The following TCP11L2 variants were observed in gnomAD, a reference collection of about 807,000 sequenced individuals.
TCP11L2 encodes the protein t-complex 11 like 2, also known as T-complex protein 11-like protein 2.
TCP11L2 carries 39 observed loss-of-function variants against 50.7 expected under a neutral mutation model. The ratio of observed to expected loss-of-function variants is 0.77; its 90% confidence interval spans 0.60 to 1.01. TCP11L2 has a LOEUF of 1.01. TCP11L2 is among the 50% of genes least tolerant of loss of function. The probability of loss-of-function intolerance (pLI) is 0.00; values close to 1 mark genes in which losing one functional copy is unlikely to be tolerated. For missense variants in TCP11L2, 612 were observed against 614.7 expected (o/e 1.00, Z 0.05); for synonymous variants, 192 against 219.3 (o/e 0.88, Z 1.10).
At position 106,321,705 on chromosome 12, in the gene TCP11L2, A is replaced by G; in HGVS notation, c.634A>G (p.Arg212Gly). The change falls in exon 5 of 10, where the codon AGA becomes GGA. Residue 212 changes from arginine to glycine, a missense_variant and splice_region_variant. Coordinates refer to ENST00000299045, the MANE Select transcript of TCP11L2 (RefSeq NM_152772.3). ...KATGNIVEVL[R>G]QIFHVLDLMQ... Reference sequence around the variant, plus strand: ...TACTGGCAACATCGTGGAGGTGCTGAGGTTAGCACTTTTGCTGTTTGCATT... The same window carrying G: ...TACTGGCAACATCGTGGAGGTGCTGGGGTTAGCACTTTTGCTGTTTGCATT... 1 of 1,613,794 alleles carries G rather than the reference A, an allele frequency of 6.2e-7. No homozygotes were observed. Among genetic ancestry groups the G allele is most frequent in the East Asian group, 2.2e-5 (1 of 44,888 alleles).
intron 8 of TCP11L2, among the ~76,000 whole-genome samples, chr12:106,336,909 C>T (rs562556064): frequency 2.0e-5 from 3 of 152,308 alleles, no homozygotes; most frequent in South Asian, 2.1e-4. Flanking sequence ...CACCTTGCTA[C>T]GAAGTCTTCA....
chr12:106,338,858 A>G (rs2036003145), intron 8 of TCP11L2, among the ~76,000 whole-genome samples: 1 of 152,206 alleles, frequency 6.6e-6, no homozygotes, highest in Non-Finnish European at 1.5e-5. Flanking sequence ...ATAGCCATTC[A>G]GGCTGGGCAC....
Position 106,346,336 on chromosome 12 carries a change from CA to C in TCP11L2, c.1371del (p.Lys457AsnfsTer10). On this transcript the variant is annotated frameshift_variant, in exon 10 of 10. Transcript: ENST00000299045. LOFTEE classifies it high-confidence loss of function. The stretch of plus-strand genomic sequence containing the variant: ...AAGGCTACTTTGTCTTCCAAGCCCT[CA>C]AAAATGCATGCCTCCTATGCCAGGA... ...MRRLLCLPSP[Q>X]KCMPPMPGGL... is the part of the protein sequence containing the mutation. The C allele has an allele frequency of 6.2e-7, 1 of 1,614,014 alleles. No homozygotes were observed.
At chr12:106,343,927 G>A (rs1565863730) in intron 9 of TCP11L2, among the ~76,000 whole-genome samples, 1 of 151,662 alleles carries the variant, frequency 6.6e-6, no homozygotes, top group Non-Finnish European at 1.5e-5. Context: ...AAAGTGCTGG[G>A]ATTACAGGCC....
chr12:106,342,144 G>A (rs1194846874), intron 9 of TCP11L2, among the ~76,000 whole-genome samples: 3 of 152,268 alleles, frequency 2.0e-5, no homozygotes, highest in African/African-American at 7.2e-5. Context: ...TAACCTGCTA[G>A]GACTAATCTG....
At chr12:106,330,843 GTTGT>G (rs1221082927) in intron 6 of TCP11L2, among the ~76,000 whole-genome samples, 20 of 152,160 alleles carry the variant, frequency 1.3e-4, no homozygotes, top group African/African-American at 4.6e-4. Context: ...CTCTGTGTGA[GTTGT>G]TTGTCATAGA....
At position 106,335,642 on chromosome 12, in the gene TCP11L2, C is replaced by T. The variant is rs751408591; in HGVS notation, c.776C>T (p.Ala259Val). ...FQEILEETPS[A>V]LDQTTEWIKE... is the part of the protein sequence containing the mutation. The stretch of plus-strand genomic sequence containing the variant: ...TATGTGGCCTTTTCACTCTTAGGTG[C>T]TCTTGATCAGACTACAGAATGGATA... The change falls in exon 7 of 10, where the codon GCT becomes GTT. Residue 259 changes from alanine (A) to valine (V), a missense_variant. Coordinates refer to ENST00000299045, the MANE Select transcript of TCP11L2 (RefSeq NM_152772.3). 6 of 1,613,812 alleles carry T rather than the reference C, an allele frequency of 3.7e-6. No homozygotes were observed. Among genetic ancestry groups the T allele is most frequent in the Non-Finnish European group, 5.1e-6 (6 of 1,179,920 alleles).
chr12:106,344,363 C>A (rs182268221), intron 9 of TCP11L2, among the ~76,000 whole-genome samples: 1 of 152,190 alleles, frequency 6.6e-6, no homozygotes, highest in East Asian at 1.9e-4. Flanking sequence ...AGATATAAAC[C>A]TCACGCTCAG....
chr12:106,319,193 G>A (rs1422588973), intron 4 of TCP11L2, among the ~76,000 whole-genome samples: 3 of 151,976 alleles, frequency 2.0e-5, no homozygotes, highest in African/African-American at 7.3e-5. Context: ...TTACAGGCGT[G>A]AGCCACCGCG....
intron 1 of TCP11L2, among the ~76,000 whole-genome samples, chr12:106,305,743 T>A (rs1358401843): frequency 1.3e-5 from 2 of 152,136 alleles, no homozygotes; most frequent in African/African-American, 4.8e-5. Flanking sequence ...TGACATTAAA[T>A]TTCAAATCTG....
chr12:106,311,440 C>T (rs2034851134), intron 2 of TCP11L2, among the ~76,000 whole-genome samples: 1 of 152,148 alleles, frequency 6.6e-6, no homozygotes, highest in African/African-American at 2.4e-5. Flanking sequence ...TTATTTTGAT[C>T]ACTGCTTCCG....
intron 4 of TCP11L2, among the ~76,000 whole-genome samples, chr12:106,319,190 C>T (rs915475872): frequency 3.9e-5 from 6 of 152,290 alleles, no homozygotes; most frequent in South Asian, 2.1e-4. Context: ...GGATTACAGG[C>T]GTGAGCCACC....
chr12:106,341,886 T>C (rs981352228), intron 9 of TCP11L2, among the ~76,000 whole-genome samples: 36 of 152,194 alleles, frequency 2.4e-4, no homozygotes, highest in African/African-American at 8.7e-4. Context: ...CATTCTTGAA[T>C]TGGTCATGGT....
At chr12:106,312,979 T>C (rs1481736173) in intron 2 of TCP11L2, among the ~76,000 whole-genome samples, 1 of 152,238 alleles carries the variant, frequency 6.6e-6, no homozygotes, top group East Asian at 1.9e-4. Context: ...CCAACAGTGA[T>C]TTTTAAAAGA....
At chr12:106,338,801 T>G (rs940094387) in intron 8 of TCP11L2, among the ~76,000 whole-genome samples, 1 of 152,246 alleles carries the variant, frequency 6.6e-6, no homozygotes, top group Non-Finnish European at 1.5e-5. Context: ...AGTGCTCTCT[T>G]TTCTCTACAA....
intron 9 of TCP11L2, among the ~76,000 whole-genome samples, chr12:106,344,969 G>A (rs1279246606): frequency 1.3e-5 from 2 of 152,064 alleles, no homozygotes; most frequent in African/African-American, 2.4e-5. Flanking sequence ...CTGATTCTTG[G>A]CCATGTGTGA....
chr12:106,340,777 TTGA>T, intron 8 of TCP11L2, 46 bp from the exon 9 acceptor site: 3 of 1,495,374 alleles, frequency 2.0e-6, no homozygotes, highest in Non-Finnish European at 2.7e-6. Flanking sequence ...AAATAATAAC[TTGA>T]TGAACAAAAA....
At chr12:106,305,220 A>G (rs2034580808) in intron 1 of TCP11L2, among the ~76,000 whole-genome samples, 1 of 151,978 alleles carries the variant, frequency 6.6e-6, no homozygotes, top group Non-Finnish European at 1.5e-5. Context: ...CTGATACATT[A>G]GCTAACAAGG....
At chr12:106,312,149 C>T (rs1037483784) in intron 2 of TCP11L2, 3 of 354,676 alleles carry the variant, frequency 8.5e-6, no homozygotes, top group East Asian at 1.5e-4. Context: ...AAAACATTTA[C>T]TCATGATTAC....
Sources: gnomAD v4.1 joint callset for allele counts (sites outside exome capture counted in the v4.1 genomes callset) on GRCh38, gnomAD v4.1.1 for gene constraint, MANE v1.5 for transcripts, NCBI Gene and HGNC (gene_info 2026-07-23, HGNC 2026-07-21) for gene names.